C14orf132: variants seen among roughly 807,000 people sequenced by gnomAD.
C14orf132 encodes the protein chromosome 14 open reading frame 132.
In C14orf132, 6 loss-of-function variants were observed where a neutral mutation model predicts 5.8. The observed-to-expected ratio is 1.03, with a 90% CI of 0.57 to 2.04. C14orf132 has a LOEUF of 2.04. C14orf132 is among the 30% of genes most tolerant of loss of function. The pLI is 0.00. For missense variants in C14orf132, 125 were observed against 115.8 expected (o/e 1.08, Z -0.37); for synonymous variants, 51 against 49.8 (o/e 1.02, Z -0.10).
chr14:96,046,893 T>C (rs1428660347), intron 1 of C14orf132, among the ~76,000 whole-genome samples: 1 of 152,208 alleles, frequency 6.6e-6, no homozygotes, highest in Non-Finnish European at 1.5e-5. Context: ...TTGTTATCTC[T>C]TGAAACTGTC....
In C14orf132 at chr14:96,052,346, A is replaced by G. The variant is rs1056872615; in HGVS notation, c.27+12819A>G. ...GGGTGGGGACCCCACAGGAGGCTGA[A>G]AGAATTGAGAGGGGCGTTGGAGGAC... On this transcript the variant is annotated intron_variant, in intron 1 of 1. Coordinates refer to ENST00000555004, the MANE Select transcript of C14orf132 (RefSeq NM_001252507.3). 2.6e-5 allele frequency among the ~76,000 whole-genome samples: 4 copies of G among 152,216 alleles called. No individual in the cohort carries two copies. In the East Asian group the frequency reaches 5.8e-4, roughly 22 times the overall value.
At chr14:96,064,357 C>CATATAT (rs71307131) in intron 1 of C14orf132, among the ~76,000 whole-genome samples, 5 of 116,686 alleles carry the variant, frequency 4.3e-5, no homozygotes, top group African/African-American at 1.6e-4. Flanking sequence ...AACTAGGGTG[C>CATATAT]ATATATACAC....
intron 1 of C14orf132, among the ~76,000 whole-genome samples, chr14:96,084,171 A>G (rs1034679406): frequency 2.6e-5 from 4 of 152,216 alleles, no homozygotes; most frequent in African/African-American, 9.6e-5. Context: ...GTCCAGGGAG[A>G]CATCTGTCTG....
At chr14:96,084,104 G>A (rs1340273134) in intron 1 of C14orf132, among the ~76,000 whole-genome samples, 2 of 152,222 alleles carry the variant, frequency 1.3e-5, no homozygotes, top group Non-Finnish European at 2.9e-5. Context: ...AGAGAGACAG[G>A]ACATATGCCC....
chr14:96,073,557 G>T (rs1020551294), intron 1 of C14orf132, among the ~76,000 whole-genome samples: 1 of 152,234 alleles, frequency 6.6e-6, no homozygotes, highest in Non-Finnish European at 1.5e-5. Flanking sequence ...AGTTTGTAAA[G>T]AAAAAGAATG....
Position 96,086,757 on chromosome 14 carries a change from C to T in C14orf132, c.*22C>T. On this transcript the variant is annotated 3_prime_UTR_variant, in exon 2 of 2. Transcript: ENST00000555004. Reference sequence around the variant, plus strand: ...CTGAGGACGGCACACCCTGCACCACCATGGGGTGAGGCTTGGCACGTAGCT... The same window carrying T: ...CTGAGGACGGCACACCCTGCACCACTATGGGGTGAGGCTTGGCACGTAGCT... 6.5e-7 allele frequency: 1 copy of T among 1,532,464 alleles called. No individual in the cohort carries two copies. Among genetic ancestry groups the T allele is most frequent in the South Asian group, 1.2e-5 (1 of 83,904 alleles). The allele number at this position is 1,532,464 out of a possible 1,614,324, so 94.9% of individuals were successfully genotyped here.
intron 1 of C14orf132, among the ~76,000 whole-genome samples, chr14:96,064,056 C>T (rs1242235626): frequency 6.6e-6 from 1 of 151,890 alleles, no homozygotes. Flanking sequence ...TGGCCATAAT[C>T]AAAAAACAGT....
rs1350242812 is a variant in C14orf132 at position 96,090,875 on chromosome 14, C to A, written c.*4140C>A. The A allele has an allele frequency of 2.2e-6, 1 of 456,110 alleles. No individual in the cohort carries two copies. Among genetic ancestry groups the A allele is most frequent in the East Asian group, 6.9e-5 (1 of 14,400 alleles). The allele number at this position is 456,110 out of a possible 1,614,324, so 28.3% of individuals were successfully genotyped here. On this transcript the variant is annotated 3_prime_UTR_variant, in exon 2 of 2. Transcript: ENST00000555004. ...TCTGTTGTCAGCACTGCTGCCTGAT[C>A]CCTGCAAGACAAATGGCACTTTCCT...
intron 1 of C14orf132, among the ~76,000 whole-genome samples, chr14:96,074,657 T>C (rs1887809593): frequency 6.6e-6 from 1 of 152,202 alleles, no homozygotes; most frequent in African/African-American, 2.4e-5. Context: ...CGTCCACTTG[T>C]TCCAGCATCA....
rs992040627 is a variant in C14orf132, at chr14:96,090,504, C to T, written c.*3769C>T. On this transcript the variant is annotated 3_prime_UTR_variant, in exon 2 of 2. Coordinates refer to ENST00000555004, the MANE Select transcript of C14orf132 (RefSeq NM_001252507.3). ...GAGGCCAGACGCCGCTGTAGCCAGG[C>T]CTGTCTTAAGAGGACTTGTGCTTCC... The T allele has an allele frequency of 2.4e-6, 1 of 419,186 alleles. No individual in the cohort carries two copies. The highest frequency in any genetic ancestry group is 2.0e-5 in the African/African-American group (1 of 48,964). 26.0% of individuals were successfully genotyped at this position (419,186 alleles called of 1,614,324 possible).
Position 96,092,246 on chromosome 14 carries a change from T to C in C14orf132, c.*5511T>C, listed in dbSNP as rs1696537447. ...GCGGTCCCCGGGGGATTCTGGATGC[T>C]GGTCTTTTGACCGTGGCGGCAGCCT... is the stretch of plus-strand genomic sequence containing the variant. On this transcript the variant is annotated 3_prime_UTR_variant, in exon 2 of 2. Transcript: ENST00000555004. 6.6e-6 allele frequency: 1 copy of C among 152,266 alleles called. No homozygotes were observed. Among genetic ancestry groups the C allele is most frequent in the African/African-American group, 2.4e-5 (1 of 41,466 alleles). The allele number at this position is 152,266 out of a possible 1,614,324, so 9.4% of individuals were successfully genotyped here. A position where few individuals can be genotyped will look rare whatever the true frequency, so the allele number is the denominator to read the frequency against.
At chr14:96,040,971 A>G (rs1017445433) in intron 1 of C14orf132, among the ~76,000 whole-genome samples, 1 of 152,218 alleles carries the variant, frequency 6.6e-6, no homozygotes, top group Non-Finnish European at 1.5e-5. Flanking sequence ...GATCCCTGCT[A>G]ACCCTGGAGC....
At chr14:96,078,038 C>A (rs572917128) in intron 1 of C14orf132, among the ~76,000 whole-genome samples, 8 of 152,378 alleles carry the variant, frequency 5.3e-5, no homozygotes, top group African/African-American at 1.9e-4. Flanking sequence ...TTCTGTGTAA[C>A]CCTCTGGCTG....
intron 1 of C14orf132, among the ~76,000 whole-genome samples, chr14:96,042,248 G>C (rs1886711528): frequency 6.6e-6 from 1 of 152,212 alleles, no homozygotes; most frequent in Admixed American, 6.5e-5. Flanking sequence ...CTAGAGGATG[G>C]GGTGCAGGAG....
chr14:96,061,711 G>A (rs893073011), intron 1 of C14orf132, among the ~76,000 whole-genome samples: 2 of 152,094 alleles, frequency 1.3e-5, no homozygotes, highest in African/African-American at 4.8e-5. Flanking sequence ...GATGGCTTGA[G>A]GCCAGGAGCT....
chr14:96,062,104 T>C (rs1204318207), intron 1 of C14orf132, among the ~76,000 whole-genome samples: 1 of 152,150 alleles, frequency 6.6e-6, no homozygotes, highest in Admixed American at 6.5e-5. Context: ...GTCCTTTGGC[T>C]CATGTTGAAG....
In C14orf132 at chr14:96,090,983, C is replaced by G; in HGVS notation, c.*4248C>G. On this transcript the variant is annotated 3_prime_UTR_variant, in exon 2 of 2. Transcript: ENST00000555004. ...TCTTACCGGTGCCAGTTTTGCACAT[C>G]TTTTTGTTGCTCTATTTGTGTCTCA... The G allele has an allele frequency of 2.2e-6, 1 of 456,142 alleles. No individual in the cohort carries two copies. Among genetic ancestry groups the G allele is most frequent in the Non-Finnish European group, 4.4e-6 (1 of 226,802 alleles). The allele number at this position is 456,142 out of a possible 1,614,324, so 28.3% of individuals were successfully genotyped here.
intron 1 of C14orf132, among the ~76,000 whole-genome samples, chr14:96,049,653 T>TATATATATAGAG (rs371381526): frequency 2.4e-5 from 2 of 82,278 alleles, no homozygotes; most frequent in African/African-American, 9.2e-5. Context: ...TATATATATA[T>TATATATATAGAG]AGAGAGAGAG....
At chr14:96,053,204 A>G (rs753976) in intron 1 of C14orf132, among the ~76,000 whole-genome samples, 94,514 of 152,132 alleles carry the variant, frequency 0.62, 29,737 homozygotes, top group East Asian at 0.89. Context: ...GGTTGAAACC[A>G]TGTCCAGAAT....
Sources: gnomAD v4.1 joint callset for allele counts (sites outside exome capture counted in the v4.1 genomes callset) on GRCh38, gnomAD v4.1.1 for gene constraint, MANE v1.5 for transcripts, NCBI Gene and HGNC (gene_info 2026-07-23, HGNC 2026-07-21) for gene names.